Variants in PPP3CA observed in about 807,000 individuals in gnomAD.
PPP3CA encodes CAM-PRP catalytic subunit.
A neutral mutation model predicts 66.5 loss-of-function variants in PPP3CA; 14 were observed. That is an observed-to-expected ratio of 0.21 (90% CI 0.14 to 0.33). PPP3CA has a LOEUF of 0.33. Ranked by LOEUF, PPP3CA falls within the 10% of genes least tolerant of loss-of-function variation. PPP3CA has a pLI of 1.00. For missense variants in PPP3CA, 317 were observed against 639.5 expected, an observed-to-expected ratio of 0.50 and a Z score of 5.44; for synonymous variants, 232 against 226.2, an observed-to-expected ratio of 1.03 and a Z score of -0.23.
chr4:101,347,041 G>A lies in PPP3CA; in HGVS notation c.-245C>T. 1.7e-6 allele frequency: 1 copy of A among 586,934 alleles called. No homozygotes were observed. Among genetic ancestry groups the A allele is most frequent in the East Asian group, 3.1e-5 (1 of 32,622 alleles). 36.4% of individuals were successfully genotyped at this position (586,934 alleles called of 1,614,324 possible). On this transcript the variant is annotated 5_prime_UTR_variant, in exon 1 of 14. Transcript: ENST00000394854. ...CGCCAGCCCCGCCGACTCGCTCCGGGCTGCGCGTGTGTGGTGGTTATTTAT... is the reference window on the plus strand; with the variant it reads ...CGCCAGCCCCGCCGACTCGCTCCGGACTGCGCGTGTGTGGTGGTTATTTAT...
intron 1 of PPP3CA, among the ~76,000 whole-genome samples, chr4:101,265,500 A>G (rs1727141704): frequency 6.6e-6 from 1 of 152,190 alleles, no homozygotes; most frequent in African/African-American, 2.4e-5. Context: ...ACAAACAGAG[A>G]AGATAGGCAT....
intron 2 of PPP3CA, among the ~76,000 whole-genome samples, chr4:101,142,008 C>T (rs536671434): frequency 3.3e-5 from 5 of 150,596 alleles, no homozygotes; most frequent in African/African-American, 9.8e-5. Flanking sequence ...AAAGGCACTC[C>T]AATCGTCAAG....
At chr4:101,309,230 T>C (rs1728641968) in intron 1 of PPP3CA, among the ~76,000 whole-genome samples, 1 of 152,204 alleles carries the variant, frequency 6.6e-6, no homozygotes, top group Non-Finnish European at 1.5e-5. Flanking sequence ...CTTTGTCATC[T>C]ATGGAACAGA....
chr4:101,295,427 T>C (rs1728173292), intron 1 of PPP3CA, among the ~76,000 whole-genome samples: 1 of 152,174 alleles, frequency 6.6e-6, no homozygotes, highest in Non-Finnish European at 1.5e-5. Context: ...TTCTATTTTG[T>C]ACATAAAGCT....
intron 8 of PPP3CA, among the ~76,000 whole-genome samples, chr4:101,079,750 A>G (rs1371557318): frequency 1.3e-5 from 2 of 152,204 alleles, no homozygotes; most frequent in Non-Finnish European, 2.9e-5. Flanking sequence ...ACACTTTATA[A>G]TATTTCCAAA....
rs575159910 is a variant in PPP3CA at position 101,317,224 on chromosome 4, T to C, written c.58+29515A>G. Among the ~76,000 whole-genome samples, 225 of 149,210 alleles carry C rather than the reference T, an allele frequency of 1.5e-3. 1 individual carries two copies. The highest frequency in any genetic ancestry group is 5.4e-3 in the African/African-American group (213 of 39,340). On this transcript the variant is annotated intron_variant, in intron 1 of 13. Coordinates refer to ENST00000394854, the MANE Select transcript of PPP3CA (RefSeq NM_000944.5). ...CATTTGTGTCATCCCTTCAACATGG[T>C]CTTGGAGGCCCCTTAACTCGGTACT...
At chr4:101,311,598 G>A (rs554178878) in intron 1 of PPP3CA, among the ~76,000 whole-genome samples, 4 of 152,148 alleles carry the variant, frequency 2.6e-5, no homozygotes, top group Middle Eastern at 3.4e-3. Flanking sequence ...TGGCCAACAC[G>A]GCGAAAACCT....
chr4:101,149,225 T>C lies in PPP3CA; in HGVS notation c.260-40147A>G, dbSNP rs183941866. On this transcript the variant is annotated intron_variant, in intron 2 of 13. Transcript: ENST00000394854. Reference sequence around the variant, plus strand: ...AAAGCACCATCTTTCTTCACATGCATTGCAACATTAGTAACTAAAAGAAGC... The same window carrying C: ...AAAGCACCATCTTTCTTCACATGCACTGCAACATTAGTAACTAAAAGAAGC... Among the ~76,000 whole-genome samples, 809 of 152,264 alleles carry C rather than the reference T, an allele frequency of 5.3e-3. 8 individuals carry two copies. Among genetic ancestry groups the C allele is most frequent in the African/African-American group, 0.018 (763 of 41,566 alleles).
chr4:101,179,951 A>C (rs1158033719), intron 2 of PPP3CA, among the ~76,000 whole-genome samples: 1 of 152,146 alleles, frequency 6.6e-6, no homozygotes, highest in African/African-American at 2.4e-5. Context: ...AATATTATTT[A>C]TATGAAGTCA....
At chr4:101,227,873 T>A (rs1725833848) in intron 1 of PPP3CA, among the ~76,000 whole-genome samples, 1 of 151,764 alleles carries the variant, frequency 6.6e-6, no homozygotes, top group African/African-American at 2.4e-5. Context: ...TCCATCCATG[T>A]ACCCATGTTG....
intron 1 of PPP3CA, among the ~76,000 whole-genome samples, chr4:101,274,253 G>C (rs185861151): frequency 6.2e-4 from 94 of 152,314 alleles, no homozygotes; most frequent in Non-Finnish European, 9.7e-4. Context: ...ATAGTGAGCT[G>C]AGATTGCAAG....
chr4:101,144,882 A>C (rs953828663), intron 2 of PPP3CA, among the ~76,000 whole-genome samples: 5 of 152,198 alleles, frequency 3.3e-5, no homozygotes, highest in African/African-American at 1.2e-4. Flanking sequence ...TTTGTGCTTT[A>C]GGCAGTGCTT....
intron 10 of PPP3CA, among the ~76,000 whole-genome samples, chr4:101,043,650 G>A (rs1011384775): frequency 6.6e-6 from 1 of 152,010 alleles, no homozygotes; most frequent in Non-Finnish European, 1.5e-5. Context: ...TGAGGTGGGC[G>A]GATCACGAGG....
At chr4:101,142,270 C>T (rs1722835010) in intron 2 of PPP3CA, among the ~76,000 whole-genome samples, 1 of 152,098 alleles carries the variant, frequency 6.6e-6, no homozygotes, top group Non-Finnish European at 1.5e-5. Context: ...AATCTCATCC[C>T]CAGGAGCTTG....
At chr4:101,075,792 T>A (rs530360102) in intron 8 of PPP3CA, among the ~76,000 whole-genome samples, 2 of 152,144 alleles carry the variant, frequency 1.3e-5, no homozygotes, top group Non-Finnish European at 2.9e-5. Flanking sequence ...ATTTTCACTC[T>A]CATATCACAC....
At position 101,038,544 on chromosome 4, in the gene PPP3CA, A is replaced by G. The variant is rs956401162; in HGVS notation, c.1241+1938T>C. Reference sequence around the variant, plus strand: ...GTCACCATGCCCGGCTAATTTTCGTATTTTTAGTAGAGACAGGGTTTCTCC... The same window carrying G: ...GTCACCATGCCCGGCTAATTTTCGTGTTTTTAGTAGAGACAGGGTTTCTCC... On this transcript the variant is annotated intron_variant, in intron 11 of 13. Transcript: ENST00000394854. 3.3e-5 allele frequency among the ~76,000 whole-genome samples: 5 copies of G among 151,422 alleles called. No individual in the cohort carries two copies. In the South Asian group the frequency reaches 6.3e-4, roughly 19 times the overall value.
At chr4:101,310,933 T>G (rs1279036645) in intron 1 of PPP3CA, among the ~76,000 whole-genome samples, 1 of 152,134 alleles carries the variant, frequency 6.6e-6, no homozygotes, top group African/African-American at 2.4e-5. Context: ...AAAATGTAAT[T>G]AATATTGAAT....
rs111291392 is a variant in PPP3CA, at chr4:101,119,080, C to G, written c.260-10002G>C. On this transcript the variant is annotated intron_variant, in intron 2 of 13. Transcript: ENST00000394854. ...ACAGGGCAGTTATTTCAGAAACTGTCTACCTAAGAAACATTTTGAATGTTC... is the reference window on the plus strand; with the variant it reads ...ACAGGGCAGTTATTTCAGAAACTGTGTACCTAAGAAACATTTTGAATGTTC... Among the ~76,000 whole-genome samples, 81 of 150,888 alleles carry G rather than the reference C, an allele frequency of 5.4e-4. No homozygotes were observed. The East Asian group carries it at 0.011, about 21-fold the overall frequency.
chr4:101,224,457 C>A (rs1281030441), intron 1 of PPP3CA, among the ~76,000 whole-genome samples: 1 of 151,676 alleles, frequency 6.6e-6, no homozygotes, highest in African/African-American at 2.4e-5. Flanking sequence ...TTTTATTAGT[C>A]TGAAAATCTC....
Sources: allele counts gnomAD v4.1 joint callset (sites outside exome capture counted in the v4.1 genomes callset), GRCh38; gene constraint gnomAD v4.1.1; transcripts MANE v1.5; gene names NCBI Gene and HGNC (gene_info 2026-07-23, HGNC 2026-07-21).